Variants in PCDHAC1 observed in about 807,000 individuals in gnomAD.
PCDHAC1 encodes protocadherin alpha subfamily C, 1.
A neutral mutation model predicts 60.0 loss-of-function variants in PCDHAC1; 42 were observed. The observed-to-expected ratio is 0.70, with a 90% CI of 0.55 to 0.90. PCDHAC1 has a LOEUF of 0.90. Ranked by LOEUF, PCDHAC1 falls within the 40% of genes least tolerant of loss-of-function variation. The pLI is 0.00. For synonymous variants in PCDHAC1, 468 were observed against 499.3 expected (o/e 0.94, Z 0.84); for missense variants, 1,160 against 1,222.3 (o/e 0.95, Z 0.76).
At chr5:140,959,611 C>T (rs2095501064) in intron 1 of PCDHAC1, among the ~76,000 whole-genome samples, 1 of 151,848 alleles carries the variant, frequency 6.6e-6, no homozygotes, top group Non-Finnish European at 1.5e-5. Context: ...GCTTTTCTTG[C>T]TTGTGATAGA....
chr5:140,977,314 C>CTCCTGATG (rs1482871612), intron 1 of PCDHAC1, among the ~76,000 whole-genome samples: 1 of 152,152 alleles, frequency 6.6e-6, no homozygotes, highest in African/African-American at 2.4e-5. Context: ...AACGATAGTG[C>CTCCTGATG]TCCTGATGGC....
intron 1 of PCDHAC1, chr5:140,966,888 C>T: frequency 1.9e-6 from 3 of 1,593,128 alleles, no homozygotes; most frequent in Non-Finnish European, 2.6e-6. Flanking sequence ...GGCCCTGCGG[C>T]CTCCCAGCTG....
intron 1 of PCDHAC1, among the ~76,000 whole-genome samples, chr5:140,952,166 G>A (rs2094699360): frequency 6.6e-6 from 1 of 152,072 alleles, no homozygotes; most frequent in African/African-American, 2.4e-5. Flanking sequence ...GTGGGGTTCA[G>A]TTCCTGCAGC....
At chr5:140,967,233 A>G in intron 1 of PCDHAC1, 1 of 1,613,728 alleles carries the variant, frequency 6.2e-7, no homozygotes, top group South Asian at 1.1e-5. Context: ...TACCAGCTTC[A>G]GGTAAGCGAA....
rs782687521 is a variant in PCDHAC1 at position 140,926,890 on chromosome 5, A to ACCCTCCCT, written c.-3_-2insCCCTCCCT. 6.5e-7 allele frequency: 1 copy of ACCCTCCCT among 1,543,756 alleles called. No homozygotes were observed. The highest frequency in any genetic ancestry group is 8.7e-7 in the Non-Finnish European group (1 of 1,143,336). On this transcript the variant is annotated 5_prime_UTR_variant, in exon 1 of 4. Transcript: ENST00000253807. ...TGGTGGAACGTGGACGCCTAGAGGG[A>ACCCTCCCT]GGATGGTGGGCTGTGGGGTGGCAGT...
chr5:140,973,073 C>T (rs1372527958), intron 1 of PCDHAC1, among the ~76,000 whole-genome samples: 1 of 151,988 alleles, frequency 6.6e-6, no homozygotes, highest in Non-Finnish European at 1.5e-5. Context: ...TCTCAGTGGG[C>T]CCAGCTGGCA....
chr5:140,944,099 C>G (rs1585153302), intron 1 of PCDHAC1, among the ~76,000 whole-genome samples: 1 of 152,264 alleles, frequency 6.6e-6, no homozygotes, highest in East Asian at 1.9e-4. Context: ...AAGTTTATAT[C>G]TCATGGGAAA....
intron 1 of PCDHAC1, among the ~76,000 whole-genome samples, chr5:140,947,608 A>G (rs1381677530): frequency 3.3e-5 from 5 of 151,684 alleles, no homozygotes; most frequent in Non-Finnish European, 7.4e-5. Flanking sequence ...AAGATTTGGT[A>G]TCTTAACAAT....
chr5:140,982,559 A>G lies in PCDHAC1; in HGVS notation c.2577A>G (p.Thr859=). 1 of 1,614,170 alleles carries G rather than the reference A, an allele frequency of 6.2e-7. No homozygotes were observed. The highest frequency in any genetic ancestry group is 8.5e-7 in the Non-Finnish European group (1 of 1,180,012). Residue 859 remains threonine, a synonymous_variant, in exon 3 of 4, where the codon ACA becomes ACG. Coordinates refer to ENST00000253807, the MANE Select transcript of PCDHAC1 (RefSeq NM_018898.5). The part of the protein sequence containing the change: ...DQQWPTVSSA[T]PEPEAGEVSP... ...AGTGGCCAACAGTATCCAGTGCAAC[A>G]CCAGGTAAAGAGCTGGGGTCTCTCC... is the stretch of plus-strand genomic sequence containing the variant.
At chr5:140,948,865 C>T (rs1358865868) in intron 1 of PCDHAC1, among the ~76,000 whole-genome samples, 4 of 151,324 alleles carry the variant, frequency 2.6e-5, no homozygotes, top group African/African-American at 4.8e-5. Flanking sequence ...TATATTACTT[C>T]GGGTTTACTT....
rs529079699 is a variant in PCDHAC1, at chr5:140,984,687, T to C, written c.2581+2124T>C. ...TTAGGTTTTTAGGACTCAATATATGTTCTGCACTGCTTGGAGGGAATATGG... is the reference window on the plus strand; with the variant it reads ...TTAGGTTTTTAGGACTCAATATATGCTCTGCACTGCTTGGAGGGAATATGG... On this transcript the variant is annotated intron_variant, in intron 3 of 3. Transcript: ENST00000253807. Among the ~76,000 whole-genome samples the C allele has an allele frequency of 2.0e-5, 3 of 152,332 alleles. No individual in the cohort carries two copies. The East Asian group carries it at 5.8e-4, about 29-fold the overall frequency.
At chr5:140,935,616 C>T (rs1247673748) in intron 1 of PCDHAC1, among the ~76,000 whole-genome samples, 13 of 151,976 alleles carry the variant, frequency 8.6e-5, no homozygotes, top group African/African-American at 3.1e-4. Flanking sequence ...TTTTTCAAGT[C>T]GCTTTCAAAT....
intron 1 of PCDHAC1, among the ~76,000 whole-genome samples, chr5:140,972,133 C>T (rs532498360): frequency 2.0e-5 from 3 of 152,072 alleles, no homozygotes; most frequent in East Asian, 3.9e-4. Flanking sequence ...CAGTGAGTTA[C>T]TACTATTTTT....
intron 1 of PCDHAC1, among the ~76,000 whole-genome samples, chr5:140,964,891 G>A (rs76642459): frequency 0.016 from 2,494 of 152,302 alleles, 68 homozygotes; most frequent in African/African-American, 0.056. Context: ...AGTGATAGGA[G>A]GCTGGGCGCT....
intron 3 of PCDHAC1, among the ~76,000 whole-genome samples, chr5:140,997,836 A>G (rs1335199291): frequency 3.3e-5 from 5 of 152,222 alleles, no homozygotes; most frequent in South Asian, 4.1e-4. Flanking sequence ...AAACAATACA[A>G]TATACATTCT....
chr5:140,926,879 C>T lies in PCDHAC1; in HGVS notation c.-14C>T, dbSNP rs1554203752. The T allele has an allele frequency of 6.5e-7, 1 of 1,534,362 alleles. No individual in the cohort carries two copies. Among genetic ancestry groups the T allele is most frequent in the African/African-American group, 1.4e-5 (1 of 72,430 alleles). On this transcript the variant is annotated 5_prime_UTR_variant, in exon 1 of 4. In the 5' UTR this introduces an upstream ATG that the reference lacks. Transcript: ENST00000253807. Reference sequence around the variant, plus strand: ...GTGTAGCGTGTTGGTGGAACGTGGACGCCTAGAGGGAGGATGGTGGGCTGT... The same window carrying T: ...GTGTAGCGTGTTGGTGGAACGTGGATGCCTAGAGGGAGGATGGTGGGCTGT...
intron 3 of PCDHAC1, among the ~76,000 whole-genome samples, chr5:141,008,171 G>A (rs1441350888): frequency 6.6e-6 from 1 of 152,148 alleles, no homozygotes; most frequent in African/African-American, 2.4e-5. Flanking sequence ...GGACTAAAAT[G>A]TGACCATTGA....
intron 1 of PCDHAC1, among the ~76,000 whole-genome samples, chr5:140,944,212 G>A (rs2093625655): frequency 6.6e-6 from 1 of 152,158 alleles, no homozygotes; most frequent in Non-Finnish European, 1.5e-5. Flanking sequence ...TTTTTAAAGA[G>A]GGTTTTACTC....
chr5:141,003,425 C>A (rs1344914063), intron 3 of PCDHAC1, among the ~76,000 whole-genome samples: 1 of 152,138 alleles, frequency 6.6e-6, no homozygotes, highest in Non-Finnish European at 1.5e-5. Context: ...GATTCTTATG[C>A]CTCAGCCTCC....
Sources: gnomAD v4.1 joint callset for allele counts (sites outside exome capture counted in the v4.1 genomes callset) on GRCh38, gnomAD v4.1.1 for gene constraint, MANE v1.5 for transcripts, NCBI Gene and HGNC (gene_info 2026-07-23, HGNC 2026-07-21) for gene names.